Variants in PPP2CA observed in about 807,000 individuals in gnomAD.
PPP2CA encodes the protein serine/threonine-protein phosphatase 2A catalytic subunit alpha isoform.
Under a neutral mutation model 38.8 loss-of-function variants are expected in PPP2CA, and 5 were observed. The ratio of observed to expected loss-of-function variants is 0.13; its 90% confidence interval spans 0.07 to 0.27. The LOEUF (loss-of-function observed/expected upper bound fraction) is 0.27. Ranked by LOEUF, PPP2CA falls within the 10% of genes least tolerant of loss-of-function variation. PPP2CA has a pLI of 1.00. For missense variants in PPP2CA, 88 were observed against 389.7 expected (o/e 0.23, Z 6.52); for synonymous variants, 152 against 134.0 (o/e 1.13, Z -0.93).
intron 1 of PPP2CA, among the ~76,000 whole-genome samples, chr5:134,212,092 C>T (rs1762217077): frequency 1.4e-5 from 2 of 144,536 alleles, no homozygotes; most frequent in African/African-American, 5.2e-5. Context: ...GCACTCCAGC[C>T]TGGGTGACAG....
intron 4 of PPP2CA, among the ~76,000 whole-genome samples, chr5:134,200,723 C>T (rs2149383053): frequency 6.6e-6 from 1 of 152,274 alleles, no homozygotes; most frequent in South Asian, 2.1e-4. Context: ...AGCAACATGC[C>T]CTAATTAATC....
chr5:134,220,401 G>C (rs1762410046), intron 1 of PPP2CA, among the ~76,000 whole-genome samples: 1 of 135,540 alleles, frequency 7.4e-6, no homozygotes, highest in Admixed American at 8.3e-5. Flanking sequence ...AGAGGGTGCA[G>C]TGAGCCGAGA....
chr5:134,199,109 A>C lies in PPP2CA; in HGVS notation c.834T>G (p.Leu278=). ...ACAAAGAGTATTTTAGAGTATCGTCAAGTTCCATGATTGCAGCTTGGTTAC... is the reference window on the plus strand; with the variant it reads ...ACAAAGAGTATTTTAGAGTATCGTCCAGTTCCATGATTGCAGCTTGGTTAC... ...RCGNQAAIME[L]DDTLKYSFLQ... The change falls in exon 6 of 7, where the codon CTT becomes CTG. Residue 278 remains leucine, a synonymous_variant. Transcript: ENST00000481195. 6.2e-7 allele frequency: 1 copy of C among 1,612,376 alleles called. No individual in the cohort carries two copies. Among genetic ancestry groups the C allele is most frequent in the Non-Finnish European group, 8.5e-7 (1 of 1,178,394 alleles).
rs1166157713 is a variant in PPP2CA at position 134,225,905 on chromosome 5, C to T, written c.-44G>A. 2 of 1,567,290 alleles carry T rather than the reference C, an allele frequency of 1.3e-6. No individual in the cohort carries two copies. The highest frequency in any genetic ancestry group is 2.7e-5 in the African/African-American group (2 of 73,306). On this transcript the variant is annotated 5_prime_UTR_variant, in exon 1 of 7. Transcript: ENST00000481195. ...CGGCTGCCGCTCCGCGCTGCTCCCG[C>T]GCCGCCGCCCGCACACGGGCCTACA... is the stretch of plus-strand genomic sequence containing the variant.
rs746189388 is a variant in PPP2CA, at chr5:134,194,942, G to A, written c.*2830C>T. On this transcript the variant is annotated 3_prime_UTR_variant, in exon 7 of 7. Coordinates refer to ENST00000481195, the MANE Select transcript of PPP2CA (RefSeq NM_002715.4). The stretch of plus-strand genomic sequence containing the variant: ...CCTAGATGTAAATTAGAATCACTTG[G>A]GAAACTTAAAAAATGTATGCCTGGG... 1 of 152,034 alleles carries A rather than the reference G, an allele frequency of 6.6e-6. No homozygotes were observed. Among genetic ancestry groups the A allele is most frequent in the Non-Finnish European group, 1.5e-5 (1 of 68,008 alleles). The allele number at this position is 152,034 out of a possible 1,614,324, so 9.4% of individuals were successfully genotyped here. A position where few individuals can be genotyped will look rare whatever the true frequency, so the allele number is the denominator to read the frequency against.
chr5:134,200,371 G>A lies in PPP2CA; in HGVS notation c.702C>T (p.Leu234=), dbSNP rs1761945977. ...GCTGGTGAGCTCTAGACACCAACGT[G>A]AGGCCATTGGCATGATTAAATGTCT... ...ISETFNHANG[L]TLVSRAHQLV... is the part of the protein sequence containing the mutation. The change falls in exon 5 of 7, where the codon CTC becomes CTT. Residue 234 remains leucine, a synonymous_variant. Coordinates refer to ENST00000481195, the MANE Select transcript of PPP2CA (RefSeq NM_002715.4). 6.2e-7 allele frequency: 1 copy of A among 1,614,012 alleles called. No homozygotes were observed. The highest frequency in any genetic ancestry group is 1.3e-5 in the African/African-American group (1 of 74,914).
At chr5:134,213,622 C>T (rs760624878) in intron 1 of PPP2CA, among the ~76,000 whole-genome samples, 8 of 151,594 alleles carry the variant, frequency 5.3e-5, no homozygotes, top group African/African-American at 4.8e-5. Context: ...CCTGTCTCTA[C>T]GAAAAATAAA....
intron 6 of PPP2CA, 27 bp from the exon 7 acceptor site, chr5:134,197,871 T>A: frequency 6.3e-7 from 1 of 1,599,084 alleles, no homozygotes; most frequent in Admixed American, 1.7e-5. Context: ...ATTCATGGTT[T>A]ATGTTCCACG....
chr5:134,210,523 A>T (rs537352103), intron 1 of PPP2CA, among the ~76,000 whole-genome samples: 1 of 152,302 alleles, frequency 6.6e-6, no homozygotes, highest in Non-Finnish European at 1.5e-5. Flanking sequence ...AACATCTGGG[A>T]AAAAAATTAA....
intron 1 of PPP2CA, among the ~76,000 whole-genome samples, chr5:134,219,390 T>C (rs1312124108): frequency 2.6e-5 from 4 of 152,232 alleles, no homozygotes; most frequent in Non-Finnish European, 5.9e-5. Flanking sequence ...CTCTGTGAAC[T>C]ACATTTTGCA....
chr5:134,216,882 A>G (rs903412663), intron 1 of PPP2CA, among the ~76,000 whole-genome samples: 3 of 152,234 alleles, frequency 2.0e-5, no homozygotes, highest in African/African-American at 7.2e-5. Context: ...TCTCTGTAGC[A>G]TCAAACTCAA....
rs1043706493 is a variant in PPP2CA, at chr5:134,225,914, C to T, written c.-53G>A. 1 of 1,548,528 alleles carries T rather than the reference C, an allele frequency of 6.5e-7. No individual in the cohort carries two copies. Among genetic ancestry groups the T allele is most frequent in the Non-Finnish European group, 8.8e-7 (1 of 1,135,366 alleles). On this transcript the variant is annotated 5_prime_UTR_variant, in exon 1 of 7. Coordinates refer to ENST00000481195, the MANE Select transcript of PPP2CA (RefSeq NM_002715.4). ...CTCCGCGCTGCTCCCGCGCCGCCGC[C>T]CGCACACGGGCCTACACGCACACGC...
chr5:134,194,870 A>G lies in PPP2CA; in HGVS notation c.*2902T>C, dbSNP rs1405352761. On this transcript the variant is annotated 3_prime_UTR_variant, in exon 7 of 7. Coordinates refer to ENST00000481195, the MANE Select transcript of PPP2CA (RefSeq NM_002715.4). ...TGATCCACCCACCCCGGCCTCCCCAAGTGCTGGGATTACAGGCATGAGCCA... is the reference window on the plus strand; with the variant it reads ...TGATCCACCCACCCCGGCCTCCCCAGGTGCTGGGATTACAGGCATGAGCCA... The G allele has an allele frequency of 6.6e-6, 1 of 152,134 alleles. No homozygotes were observed. The highest frequency in any genetic ancestry group is 1.5e-5 in the Non-Finnish European group (1 of 68,036). The allele number at this position is 152,134 out of a possible 1,614,324, so 9.4% of individuals were successfully genotyped here.
rs151004119 is a variant in PPP2CA, at chr5:134,200,501, A to G, written c.577-5T>C. 2.0e-4 allele frequency: 329 copies of G among 1,605,012 alleles called. 1 individual carries two copies. In the African/African-American group the frequency reaches 4.1e-3, roughly 20 times the overall value. ...CAGCAAGTCACACATTGGACCCTAA[A>G]AAATAACTTCAAGTTATAAAATGCC... On this transcript the variant is annotated splice_region_variant and splice_polypyrimidine_tract_variant and intron_variant, in intron 4 of 6. Transcript: ENST00000481195.
chr5:134,225,724 C>T (rs1463123758), intron 1 of PPP2CA, 36 bp downstream of exon 1: 1 of 1,577,946 alleles, frequency 6.3e-7, no homozygotes, highest in Non-Finnish European at 8.6e-7. Flanking sequence ...CGGGCTCGGC[C>T]CCGCGGCGGC....
intron 1 of PPP2CA, among the ~76,000 whole-genome samples, chr5:134,222,126 C>A (rs1165056765): frequency 6.6e-6 from 1 of 152,170 alleles, no homozygotes; most frequent in Non-Finnish European, 1.5e-5. Context: ...AATCCACAAG[C>A]CTTGGCAATC....
chr5:134,217,872 C>CTT (rs1423974044), intron 1 of PPP2CA, among the ~76,000 whole-genome samples: 1 of 152,202 alleles, frequency 6.6e-6, no homozygotes, highest in Non-Finnish European at 1.5e-5. Context: ...CAAACCTAAG[C>CTT]TATTGGATAG....
intron 2 of PPP2CA, among the ~76,000 whole-genome samples, chr5:134,205,315 A>G (rs991216986): frequency 6.6e-6 from 1 of 151,848 alleles, no homozygotes; most frequent in Non-Finnish European, 1.5e-5. Context: ...AAATCTAATT[A>G]TATTACCTCT....
chr5:134,216,224 A>C (rs1300743631), intron 1 of PPP2CA, among the ~76,000 whole-genome samples: 1 of 152,104 alleles, frequency 6.6e-6, no homozygotes, highest in African/African-American at 2.4e-5. Flanking sequence ...AACTAAAAGC[A>C]TTCTCCTAAA....
Sources: gnomAD v4.1 joint callset for allele counts (sites outside exome capture counted in the v4.1 genomes callset) on GRCh38, gnomAD v4.1.1 for gene constraint, MANE v1.5 for transcripts, NCBI Gene and HGNC (gene_info 2026-07-23, HGNC 2026-07-21) for gene names.